SEC14L1: variants seen among roughly 807,000 people sequenced by gnomAD.
SEC14L1 encodes SEC14 like lipid binding 1.
In SEC14L1, 48 loss-of-function variants were observed where a neutral mutation model predicts 85.3. The ratio of observed to expected loss-of-function variants is 0.56; its 90% CI spans 0.45 to 0.72. SEC14L1 has a LOEUF of 0.72. SEC14L1 is among the 30% of genes least tolerant of loss of function. The pLI, the probability that SEC14L1 is intolerant of heterozygous loss-of-function variation, is 0.00. For missense variants in SEC14L1, 682 were observed against 921.4 expected, an observed-to-expected ratio of 0.74 and a Z score of 3.36; for synonymous variants, 391 against 355.5, an observed-to-expected ratio of 1.10 and a Z score of -1.12.
chr17:77,111,810 C>T (rs916951548), intron 3 of SEC14L1, among the ~76,000 whole-genome samples: 1 of 152,152 alleles, frequency 6.6e-6, no homozygotes, highest in African/African-American at 2.4e-5. Flanking sequence ...CTTGCCTTGT[C>T]TCAGATGAGA....
intron 3 of SEC14L1, among the ~76,000 whole-genome samples, chr17:77,134,380 G>C (rs1355001780): frequency 6.6e-6 from 1 of 151,888 alleles, no homozygotes. Flanking sequence ...CTCCCAAGTA[G>C]CTGGAACTAT....
In SEC14L1 at chr17:77,198,456, T is replaced by C. The variant is rs1020303236; in HGVS notation, c.820-2028T>C. On this transcript the variant is annotated intron_variant, in intron 8 of 16. Transcript: ENST00000436233. ...GTGTAGCGTTACTGAATCAGAATTA[T>C]TAAAATTCAGAAAACCGAACATAGT... is the stretch of plus-strand genomic sequence containing the variant. 2.6e-5 allele frequency among the ~76,000 whole-genome samples: 4 copies of C among 152,228 alleles called. No homozygotes were observed. In the East Asian group the frequency reaches 7.7e-4, roughly 29 times the overall value.
At position 77,108,972 on chromosome 17, in the gene SEC14L1, G is replaced by A. The variant is rs543782904; in HGVS notation, c.-136+15625G>A. Among the ~76,000 whole-genome samples the A allele has an allele frequency of 3.9e-4, 59 of 152,072 alleles. No homozygotes were observed. In the South Asian group the frequency reaches 0.012, roughly 31 times the overall value. ...CAAGTAGCTGGGATTACAGGTGCCA[G>A]CCACCACACCAGCTAATTTTTGTAT... On this transcript the variant is annotated intron_variant, in intron 3 of 19. Coordinates refer to the SEC14L1 transcript ENST00000392476.
chr17:77,154,729 G>C (rs1247498709), intron 3 of SEC14L1, among the ~76,000 whole-genome samples: 3 of 151,764 alleles, frequency 2.0e-5, no homozygotes, highest in Admixed American at 2.0e-4. Context: ...ATATGTACTG[G>C]ATCCATTTTC....
chr17:77,148,655 G>A (rs1233556797), intron 3 of SEC14L1, among the ~76,000 whole-genome samples: 3 of 152,072 alleles, frequency 2.0e-5, no homozygotes, highest in Non-Finnish European at 4.4e-5. Flanking sequence ...TTCTGTCCCT[G>A]TCTGTCCCAG....
Position 77,213,915 on chromosome 17 carries a change from C to T in SEC14L1, c.2043-3C>T. The T allele has an allele frequency of 1.2e-6, 2 of 1,612,768 alleles. No homozygotes were observed. Among genetic ancestry groups the T allele is most frequent in the East Asian group, 2.2e-5 (1 of 44,866 alleles). ...CGCCTCGCCCCTCCCTGTGCCATTA[C>T]AGAGGTTCCATGACGAGCCTGGAGT... is the stretch of plus-strand genomic sequence containing the variant. On this transcript the variant is annotated splice_polypyrimidine_tract_variant and splice_region_variant and intron_variant, in intron 16 of 16. Transcript: ENST00000436233. The surrounding 1 kb of genome is among the most constrained non-coding windows in gnomAD (Gnocchi z 7.1).
intron 3 of SEC14L1, among the ~76,000 whole-genome samples, chr17:77,167,905 T>C (rs761847173): frequency 2.6e-4 from 39 of 152,336 alleles, no homozygotes; most frequent in Admixed American, 5.2e-4. Flanking sequence ...AATTTACTTC[T>C]GCAGAAAGGT....
In SEC14L1 at chr17:77,089,152, G is replaced by C; in HGVS notation, c.-358-1G>C. 1 of 347,054 alleles carries C rather than the reference G, an allele frequency of 2.9e-6. No individual in the cohort carries two copies. Among genetic ancestry groups the C allele is most frequent in the Non-Finnish European group, 5.7e-6 (1 of 176,508 alleles). The allele number at this position is 347,054 out of a possible 1,614,324, so 21.5% of individuals were successfully genotyped here. On this transcript the variant is annotated splice_acceptor_variant, in intron 1 of 19. Transcript: ENST00000392476. LOFTEE classifies it low-confidence loss of function (5UTR_SPLICE). ...CACATTATGTTACTTTTTCCCCCAA[G>C]GTTTCAACAGAAAATGAGAAATATC...
At chr17:77,106,266 G>C (rs185657003) in intron 3 of SEC14L1, among the ~76,000 whole-genome samples, 25 of 152,100 alleles carry the variant, frequency 1.6e-4, no homozygotes, top group Non-Finnish European at 3.7e-4. Flanking sequence ...AGGTGTGGTG[G>C]CTCACACCTG....
rs1033335475 is a variant in SEC14L1, at chr17:77,199,005, C to G, written c.820-1479C>G. 3.0e-5 allele frequency: 4 copies of G among 133,954 alleles called. No individual in the cohort carries two copies. The Admixed American group carries it at 3.1e-4, about 10-fold the overall frequency. The allele number at this position is 133,954 out of a possible 1,614,324, so 8.3% of individuals were successfully genotyped here. A position where few individuals can be genotyped will look rare whatever the true frequency, so the allele number is the denominator to read the frequency against. ...CAAGTCTGCCCTTGCCGTCTTCTTT[C>G]TTTTTTTTTTTTTTTTTGAGATGGA... On this transcript the variant is annotated intron_variant, in intron 8 of 16. Coordinates refer to ENST00000436233, the MANE Select transcript of SEC14L1 (RefSeq NM_001143998.2).
At chr17:77,098,296 C>T (rs1380159244) in intron 3 of SEC14L1, among the ~76,000 whole-genome samples, 3 of 152,012 alleles carry the variant, frequency 2.0e-5, no homozygotes, top group African/African-American at 7.2e-5. Context: ...GTCAGGAGTT[C>T]GAAACCAGCC....
At chr17:77,143,933 C>A in intron 3 of SEC14L1, 1 of 321,908 alleles carries the variant, frequency 3.1e-6, no homozygotes. Flanking sequence ...GGATTCTAAG[C>A]ACTTCTTCCT....
intron 3 of SEC14L1, among the ~76,000 whole-genome samples, chr17:77,149,789 G>A (rs897824639): frequency 2.0e-5 from 3 of 151,406 alleles, no homozygotes; most frequent in South Asian, 4.2e-4. Context: ...AACATGCTAT[G>A]GTCTTTCAGT....
intron 3 of SEC14L1, among the ~76,000 whole-genome samples, chr17:77,113,751 GAA>G (rs1315872179): frequency 6.6e-6 from 1 of 151,862 alleles, no homozygotes; most frequent in Non-Finnish European, 1.5e-5. Context: ...GTCTCAAAAA[GAA>G]AAGAAAAGAA....
rs772339619 is a variant in SEC14L1, at chr17:77,206,244, G to A, written c.1185G>A (p.Leu395=). 1 of 1,614,106 alleles carries A rather than the reference G, an allele frequency of 6.2e-7. No individual in the cohort carries two copies. Among genetic ancestry groups the A allele is most frequent in the Non-Finnish European group, 8.5e-7 (1 of 1,179,966 alleles). ...CAACCTGCAGCTCATGGACCTGCCT[G>A]GTGGACTTGGAAGGGCTGAACATGC... ...FGRPISSWTC[L]VDLEGLNMRH... The change falls in exon 12 of 17, where the codon CTG becomes CTA. Residue 395 remains leucine (L), a synonymous_variant. Coordinates refer to ENST00000436233, the MANE Select transcript of SEC14L1 (RefSeq NM_001143998.2). This position sits in a 1 kb window ranked among gnomAD's most constrained non-coding sequence, Gnocchi z 4.3.
intron 10 of SEC14L1, among the ~76,000 whole-genome samples, chr17:77,204,953 C>G (rs1295136079): frequency 1.3e-5 from 2 of 152,198 alleles, no homozygotes; most frequent in Non-Finnish European, 2.9e-5. Context: ...CACAGACATT[C>G]ATCTCCTGTT....
chr17:77,152,879 A>G (rs561911430), intron 3 of SEC14L1, among the ~76,000 whole-genome samples: 11 of 152,230 alleles, frequency 7.2e-5, no homozygotes, highest in South Asian at 2.1e-4. Flanking sequence ...TTTATTCTCT[A>G]ACATTCTCCC....
intron 3 of SEC14L1, among the ~76,000 whole-genome samples, chr17:77,150,604 G>A (rs897057410): frequency 6.6e-6 from 1 of 152,238 alleles, no homozygotes; most frequent in Non-Finnish European, 1.5e-5. Flanking sequence ...AGGGTGAGGA[G>A]ACACTGCTCT....
intron 3 of SEC14L1, among the ~76,000 whole-genome samples, chr17:77,115,243 A>G (rs1972145309): frequency 6.6e-6 from 1 of 152,038 alleles, no homozygotes; most frequent in Admixed American, 6.6e-5. Context: ...AGCCTAACCA[A>G]CATGGTGAAA....
Sources: allele counts gnomAD v4.1 joint callset (sites outside exome capture counted in the v4.1 genomes callset), GRCh38; gene constraint gnomAD v4.1.1; non-coding constraint Gnocchi (gnomAD v3.1); transcripts MANE v1.5; gene names NCBI Gene and HGNC (gene_info 2026-07-23, HGNC 2026-07-21).